The following KIF2A variants were observed in gnomAD, a reference collection of about 807,000 sequenced individuals.
KIF2A encodes kinesin family member 2A.
Under a neutral mutation model 100.2 loss-of-function variants are expected in KIF2A, and 22 were observed. The observed-to-expected ratio is 0.22, with a 90% CI of 0.16 to 0.31. KIF2A has a LOEUF of 0.31. Among genes scored for constraint, KIF2A ranks in the 10% least tolerant of loss-of-function variants. The probability of loss-of-function intolerance (pLI) is 1.00; values close to 1 mark genes in which losing one functional copy is unlikely to be tolerated. For synonymous variants in KIF2A, 268 were observed against 285.9 expected (o/e 0.94, Z 0.63); for missense variants, 495 against 898.7 (o/e 0.55, Z 5.74).
At chr5:62,339,375 C>G (rs1238459615) in intron 1 of KIF2A, among the ~76,000 whole-genome samples, 1 of 151,708 alleles carries the variant, frequency 6.6e-6, no homozygotes, top group Non-Finnish European at 1.5e-5. Context: ...CATCCAATCA[C>G]CTCCACTGGG....
At position 62,331,365 on chromosome 5, in the gene KIF2A, C is replaced by T. The variant is rs1031382646; in HGVS notation, c.65-15765C>T. The stretch of plus-strand genomic sequence containing the variant: ...GGCAGAGGCTGTGGTGAGCTGAGAT[C>T]GTGCCATTGCACTCCAGCTTGGGCA... On this transcript the variant is annotated intron_variant, in intron 1 of 20. Coordinates refer to ENST00000407818, the MANE Select transcript of KIF2A (RefSeq NM_001098511.3). 6.6e-5 allele frequency among the ~76,000 whole-genome samples: 10 copies of T among 150,864 alleles called. No individual in the cohort carries two copies. The East Asian group carries it at 7.8e-4, about 12-fold the overall frequency.
At chr5:62,350,218 T>G (rs948462520) in intron 4 of KIF2A, 98 bp downstream of exon 4, 2 of 684,074 alleles carry the variant, frequency 2.9e-6, no homozygotes, top group Non-Finnish European at 4.9e-6. Context: ...ATGTTGGTAT[T>G]TATTTAAATT....
intron 1 of KIF2A, among the ~76,000 whole-genome samples, chr5:62,346,336 C>T (rs1747566192): frequency 6.6e-6 from 1 of 152,106 alleles, no homozygotes; most frequent in African/African-American, 2.4e-5. Context: ...GAGCATTTCC[C>T]AACCTTTTTG....
At chr5:62,332,142 T>C (rs1313942755) in intron 1 of KIF2A, among the ~76,000 whole-genome samples, 1 of 152,246 alleles carries the variant, frequency 6.6e-6, no homozygotes, top group Admixed American at 6.5e-5. Context: ...GATCCTGTTT[T>C]CAGAGACCAA....
chr5:62,385,250 G>T (rs1741965727), intron 20 of KIF2A, among the ~76,000 whole-genome samples: 1 of 152,116 alleles, frequency 6.6e-6, no homozygotes, highest in South Asian at 2.1e-4. Context: ...AAACAGAACA[G>T]AAAGCTATTG....
At chr5:62,311,650 G>C (rs1014422434) in intron 1 of KIF2A, among the ~76,000 whole-genome samples, 2 of 152,080 alleles carry the variant, frequency 1.3e-5, no homozygotes, top group South Asian at 2.1e-4. Flanking sequence ...AATAGCATGT[G>C]TAAATTTAAG....
At chr5:62,348,246 T>C in intron 3 of KIF2A, 79 bp downstream of exon 3, 1 of 1,487,094 alleles carries the variant, frequency 6.7e-7, no homozygotes, top group Non-Finnish European at 9.3e-7. Flanking sequence ...AGTTTGAAAT[T>C]GGTAGGCTTT....
rs1054643896 is a variant in KIF2A at position 62,306,268 on chromosome 5, G to A, written c.-205G>A. On this transcript the variant is annotated 5_prime_UTR_variant, in exon 1 of 21. Coordinates refer to ENST00000407818, the MANE Select transcript of KIF2A (RefSeq NM_001098511.3). ...TTCACCCCGACTACCCGGCGTGCGCGTCCTCCTGCCGGCCTGCAGGCCCGG... is the reference window on the plus strand; with the variant it reads ...TTCACCCCGACTACCCGGCGTGCGCATCCTCCTGCCGGCCTGCAGGCCCGG... The A allele has an allele frequency of 5.6e-6, 3 of 533,594 alleles. No homozygotes were observed. In the East Asian group the frequency reaches 1.0e-4, roughly 18 times the overall value. 33.1% of individuals were successfully genotyped at this position (533,594 alleles called of 1,614,324 possible).
intron 1 of KIF2A, among the ~76,000 whole-genome samples, chr5:62,337,158 C>A (rs1031138115): frequency 3.9e-5 from 6 of 152,040 alleles, no homozygotes; most frequent in Non-Finnish European, 8.8e-5. Flanking sequence ...TTCTAGAGTA[C>A]GGAAAGGGAA....
chr5:62,332,603 T>A (rs1410641400), intron 1 of KIF2A, among the ~76,000 whole-genome samples: 8 of 152,132 alleles, frequency 5.3e-5, no homozygotes, highest in Non-Finnish European at 1.2e-4. Flanking sequence ...AAGTTTGGGG[T>A]GAACATTATT....
chr5:62,390,873 T>C lies in KIF2A; in HGVS notation c.*5304T>C. ...ACACTTAGGAAAACAAAAATGTAAT[T>C]ACCTGATGAAGTCATCTATGTCCAT... On this transcript the variant is annotated 3_prime_UTR_variant, in exon 21 of 21. Coordinates refer to ENST00000407818, the MANE Select transcript of KIF2A (RefSeq NM_001098511.3). The C allele has an allele frequency of 6.2e-7, 1 of 1,610,354 alleles. No homozygotes were observed. Among genetic ancestry groups the C allele is most frequent in the South Asian group, 1.1e-5 (1 of 90,936 alleles).
chr5:62,363,848 G>A lies in KIF2A; in HGVS notation c.1416G>A (p.Arg472=). The A allele has an allele frequency of 6.2e-7, 1 of 1,613,794 alleles. No individual in the cohort carries two copies. The highest frequency in any genetic ancestry group is 8.5e-7 in the Non-Finnish European group (1 of 1,179,814). Residue 472 remains arginine, a synonymous_variant, in exon 14 of 21, where the codon AGG becomes AGA. Coordinates refer to ENST00000407818, the MANE Select transcript of KIF2A (RefSeq NM_001098511.3). ...GAGCTGATACTTCCAGTGCGGACAG[G>A]CAAACTAGGCTTGAAGGTGCTGAAA... is the stretch of plus-strand genomic sequence containing the variant. ...ERGADTSSAD[R]QTRLEGAEIN...
chr5:62,375,907 G>A (rs1398444226), intron 18 of KIF2A, among the ~76,000 whole-genome samples: 1 of 152,142 alleles, frequency 6.6e-6, no homozygotes, highest in Non-Finnish European at 1.5e-5. Flanking sequence ...GAAAAACCTG[G>A]TTCAAACTAA....
At chr5:62,376,842 T>G (rs2111994388) in intron 18 of KIF2A, among the ~76,000 whole-genome samples, 1 of 152,262 alleles carries the variant, frequency 6.6e-6, no homozygotes, top group South Asian at 2.1e-4. Context: ...TTGTATATAG[T>G]TGTCCCTCAG....
At chr5:62,309,551 C>T (rs1005950720) in intron 1 of KIF2A, among the ~76,000 whole-genome samples, 15 of 152,126 alleles carry the variant, frequency 9.9e-5, no homozygotes, top group African/African-American at 2.9e-4. Flanking sequence ...ACTTCCATAA[C>T]GTCTATATTG....
intron 5 of KIF2A, 73 bp downstream of exon 5, chr5:62,352,783 T>C: frequency 8.0e-7 from 1 of 1,257,720 alleles, no homozygotes; most frequent in Non-Finnish European, 1.1e-6. Flanking sequence ...TCCTTTTAAG[T>C]CCTCAAAGAG....
chr5:62,306,578 G>GT (rs1314759017), intron 1 of KIF2A, 42 bp downstream of exon 1: 1 of 1,507,456 alleles, frequency 6.6e-7, no homozygotes, highest in Non-Finnish European at 9.0e-7. Context: ...TCGGCCCCGT[G>GT]TTCGGGTGTG....
chr5:62,380,969 T>C (rs1741750857), intron 19 of KIF2A, 149 bp from the exon 20 acceptor site: 1 of 635,920 alleles, frequency 1.6e-6, no homozygotes. Context: ...TATTTCTTAA[T>C]TATACTGTCT....
At chr5:62,371,583 G>A (rs892060480) in intron 16 of KIF2A, among the ~76,000 whole-genome samples, 16 of 152,174 alleles carry the variant, frequency 1.1e-4, no homozygotes, top group African/African-American at 3.9e-4. Flanking sequence ...CACATTCTCA[G>A]TGAATGACCT....
Sources: gnomAD v4.1 joint callset for allele counts (sites outside exome capture counted in the v4.1 genomes callset) on GRCh38, gnomAD v4.1.1 for gene constraint, MANE v1.5 for transcripts, NCBI Gene and HGNC (gene_info 2026-07-23, HGNC 2026-07-21) for gene names.